Variants in POTEC observed in about 807,000 individuals in gnomAD.
The protein encoded by POTEC is ANKRD26-like family B member 2.
Under a neutral mutation model 62.0 loss-of-function variants are expected in POTEC, and 35 were observed. That is an observed-to-expected ratio of 0.56 (90% CI 0.43 to 0.75). The LOEUF (loss-of-function observed/expected upper bound fraction) is 0.75. POTEC is among the 30% of genes least tolerant of loss of function. The probability of loss-of-function intolerance (pLI) is 0.00; values close to 1 mark genes in which losing one functional copy is unlikely to be tolerated. For synonymous variants in POTEC, 156 were observed against 221.5 expected (o/e 0.70, Z 2.62); for missense variants, 472 against 655.9 (o/e 0.72, Z 3.06).
chr18:14,532,029 GA>G lies in POTEC; in HGVS notation c.1055+1031del, dbSNP rs756224879. On this transcript the variant is annotated intron_variant, in intron 5 of 10. Coordinates refer to ENST00000358970, the MANE Select transcript of POTEC (RefSeq NM_001137671.2). ...CCACAGCTGGGAGCCACTGCTTGGG[GA>G]AGGCTCATATGGGACTTTCTACTGC... Among the ~76,000 whole-genome samples, 16 of 151,536 alleles carry G rather than the reference GA, an allele frequency of 1.1e-4. No homozygotes were observed. The East Asian group carries it at 3.2e-3, about 30-fold the overall frequency.
chr18:14,542,751 C>T lies in POTEC; in HGVS notation c.396G>A (p.Arg132=), dbSNP rs1905987208. ...DYDDSAFMEP[R]YHVRREDLDK... ...CCAGATCTTCTCGACGGACGTGGTA[C>T]CTCGGCTCCATGAAGGCGCTGTCGT... The change falls in exon 1 of 11, where the codon AGG becomes AGA. Residue 132 remains arginine (R), a synonymous_variant. Transcript: ENST00000358970. 1 of 1,613,418 alleles carries T rather than the reference C, an allele frequency of 6.2e-7. No individual in the cohort carries two copies. The highest frequency in any genetic ancestry group is 8.5e-7 in the Non-Finnish European group (1 of 1,179,880).
intron 1 of POTEC, among the ~76,000 whole-genome samples, chr18:14,539,221 T>A (rs1905850151): frequency 6.6e-6 from 1 of 151,926 alleles, no homozygotes; most frequent in Non-Finnish European, 1.5e-5. Flanking sequence ...TTAAGACTGT[T>A]ATAAATTTTC....
intron 6 of POTEC, chr18:14,528,731 C>T (rs1323939670): frequency 7.2e-6 from 2 of 277,522 alleles, no homozygotes; most frequent in Non-Finnish European, 1.4e-5. Context: ...CTAGTATTTA[C>T]AGTCCAAAGC....
intron 3 of POTEC, among the ~76,000 whole-genome samples, chr18:14,535,779 G>C (rs553595901): frequency 2.7e-4 from 41 of 151,946 alleles, no homozygotes; most frequent in African/African-American, 9.4e-4. Context: ...ACTGACCTAA[G>C]CACTTGAATG....
chr18:14,512,744 G>A (rs556200052), intron 10 of POTEC, among the ~76,000 whole-genome samples: 139 of 151,602 alleles, frequency 9.2e-4, no homozygotes, highest in African/African-American at 2.8e-3. Context: ...GCACTCCAGC[G>A]TGGGTGACAG....
At chr18:14,538,093 A>C in intron 2 of POTEC, 42 bp downstream of exon 2, 1 of 1,480,314 alleles carries the variant, frequency 6.8e-7, no homozygotes, top group Non-Finnish European at 9.0e-7. Context: ...TATCTATTGA[A>C]ATCAAACCCA....
rs1367255673 is a variant in POTEC, at chr18:14,514,772, C to T, written c.1410-987G>A. ...AAAAGAGAAAGTCAAACTCTCTCTT[C>T]AGCAATGATATGATCTTATGCCTAG... On this transcript the variant is annotated intron_variant, in intron 9 of 10. Transcript: ENST00000358970. Among the ~76,000 whole-genome samples, 2 of 151,992 alleles carry T rather than the reference C, an allele frequency of 1.3e-5. 1 individual carries two copies. The highest frequency in any genetic ancestry group is 3.9e-4 in the East Asian group (2 of 5,174).
Position 14,510,893 on chromosome 18 carries a change from C to T in POTEC, c.*1005G>A, listed in dbSNP as rs1440945375. On this transcript the variant is annotated 3_prime_UTR_variant, in exon 11 of 11. Coordinates refer to ENST00000358970, the MANE Select transcript of POTEC (RefSeq NM_001137671.2). Reference sequence around the variant, plus strand: ...GCAAAGATGACAGTCTGGTCCTCCCCCTGGGAGCTCTGACTCAGGAGGCCT... The same window carrying T: ...GCAAAGATGACAGTCTGGTCCTCCCTCTGGGAGCTCTGACTCAGGAGGCCT... 6.6e-6 allele frequency: 1 copy of T among 152,174 alleles called. No homozygotes were observed. Among genetic ancestry groups the T allele is most frequent in the African/African-American group, 2.4e-5 (1 of 41,416 alleles). The allele number at this position is 152,174 out of a possible 1,614,324, so 9.4% of individuals were successfully genotyped here.
intron 1 of POTEC, among the ~76,000 whole-genome samples, chr18:14,539,740 T>C (rs994585970): frequency 3.9e-5 from 6 of 152,136 alleles, no homozygotes; most frequent in Non-Finnish European, 8.8e-5. Flanking sequence ...TATCTTTCAC[T>C]ATTTTCCACC....
At position 14,543,389 on chromosome 18, in the gene POTEC, C is replaced by T. The variant is rs1906032069; in HGVS notation, c.-243G>A. On this transcript the variant is annotated 5_prime_UTR_variant, in exon 1 of 11. Transcript: ENST00000358970. Reference sequence around the variant, plus strand: ...ACGCCCACCCCAGGAAAGGCCAAGCCCCCCCTCCCAAGGAAACACCCAGCC... The same window carrying T: ...ACGCCCACCCCAGGAAAGGCCAAGCTCCCCCTCCCAAGGAAACACCCAGCC... The T allele has an allele frequency of 1.5e-6, 1 of 654,424 alleles. No individual in the cohort carries two copies. Among genetic ancestry groups the T allele is most frequent in the Non-Finnish European group, 2.6e-6 (1 of 381,394 alleles). 40.5% of individuals were successfully genotyped at this position (654,424 alleles called of 1,614,324 possible).
chr18:14,524,190 G>C (rs1376286904), intron 7 of POTEC, among the ~76,000 whole-genome samples: 4 of 152,162 alleles, frequency 2.6e-5, no homozygotes, highest in East Asian at 3.9e-4. Context: ...CTGATTTTCT[G>C]CAACTAAAAT....
chr18:14,526,532 C>A (rs1339650665), intron 6 of POTEC, among the ~76,000 whole-genome samples: 1 of 152,024 alleles, frequency 6.6e-6, no homozygotes, highest in Non-Finnish European at 1.5e-5. Flanking sequence ...AGAACACCTG[C>A]CCAAGCAGAG....
At chr18:14,542,487 C>A in intron 1 of POTEC, 139 bp downstream of exon 1, 1 of 1,365,348 alleles carries the variant, frequency 7.3e-7, no homozygotes, top group Non-Finnish European at 1.0e-6. Flanking sequence ...TGGGCCCTGA[C>A]CTCTCTGAGG....
rs1909877741 is a variant in POTEC, at chr18:14,507,536, T to A, written c.*4362A>T. Reference sequence around the variant, plus strand: ...ATGGGTCTTGGTTCTTTATCCAGCTTGCCCCCTGTGTCTTTCAATTGGAGC... The same window carrying A: ...ATGGGTCTTGGTTCTTTATCCAGCTAGCCCCCTGTGTCTTTCAATTGGAGC... On this transcript the variant is annotated 3_prime_UTR_variant, in exon 11 of 11. Transcript: ENST00000358970. The A allele has an allele frequency of 6.6e-6, 1 of 151,554 alleles. No homozygotes were observed. Among genetic ancestry groups the A allele is most frequent in the East Asian group, 1.9e-4 (1 of 5,168 alleles). 9.4% of individuals were successfully genotyped at this position (151,554 alleles called of 1,614,324 possible).
chr18:14,543,277 C>G lies in POTEC; in HGVS notation c.-131G>C. On this transcript the variant is annotated 5_prime_UTR_variant, in exon 1 of 11. Coordinates refer to ENST00000358970, the MANE Select transcript of POTEC (RefSeq NM_001137671.2). ...AAAGGTCAATCCCAGCCAAAACTTG[C>G]CAACCCCAGCAAGGGAGCCCAGTCC... The G allele has an allele frequency of 7.1e-7, 1 of 1,416,336 alleles. No individual in the cohort carries two copies. The highest frequency in any genetic ancestry group is 2.5e-4 in the Middle Eastern group (1 of 3,928). The allele number at this position is 1,416,336 out of a possible 1,614,324, so 87.7% of individuals were successfully genotyped here. A position where few individuals can be genotyped will look rare whatever the true frequency, so the allele number is the denominator to read the frequency against.
rs557466977 is a variant in POTEC, at chr18:14,541,223, C to CT, written c.521+1402dup. Among the ~76,000 whole-genome samples the CT allele has an allele frequency of 3.9e-5, 6 of 152,214 alleles. No homozygotes were observed. The South Asian group carries it at 1.2e-3, about 32-fold the overall frequency. ...TCTTCTAACTTAAACAGAAAATAGT[C>CT]TTTCATTCCTCTTCTAACTTAAATT... On this transcript the variant is annotated intron_variant, in intron 1 of 10. Transcript: ENST00000358970.
intron 9 of POTEC, among the ~76,000 whole-genome samples, chr18:14,514,920 C>A (rs1483543145): frequency 6.6e-6 from 1 of 152,108 alleles, no homozygotes; most frequent in Non-Finnish European, 1.5e-5. Flanking sequence ...TACAACCAAG[C>A]TGAGAGTCAT....
At chr18:14,536,571 T>C (rs1182744947) in intron 3 of POTEC, among the ~76,000 whole-genome samples, 11 of 151,842 alleles carry the variant, frequency 7.2e-5, no homozygotes, top group African/African-American at 2.7e-4. Context: ...CCAGGCTTTA[T>C]TAGACTTACT....
Position 14,535,412 on chromosome 18 carries a change from T to C in POTEC, c.811-405A>G, listed in dbSNP as rs1324442596. On this transcript the variant is annotated intron_variant, in intron 3 of 10. Coordinates refer to ENST00000358970, the MANE Select transcript of POTEC (RefSeq NM_001137671.2). ...CAAGAATTTGAATGTAAAATATTTC[T>C]TTAGTTTCACATGTTTTACCAAAGT... Among the ~76,000 whole-genome samples, 3 of 152,034 alleles carry C rather than the reference T, an allele frequency of 2.0e-5. No individual in the cohort carries two copies. The East Asian group carries it at 5.8e-4, about 29-fold the overall frequency.
Sources: allele counts gnomAD v4.1 joint callset (sites outside exome capture counted in the v4.1 genomes callset), GRCh38; gene constraint gnomAD v4.1.1; transcripts MANE v1.5; gene names NCBI Gene and HGNC (gene_info 2026-07-23, HGNC 2026-07-21).